NCOR2: variants seen among roughly 807,000 people sequenced by gnomAD.
NCOR2 encodes CTG repeat protein 26.
A neutral mutation model predicts 262.9 loss-of-function variants in NCOR2; 81 were observed. The observed-to-expected ratio is 0.31, with a 90% CI of 0.26 to 0.37. NCOR2 has a LOEUF of 0.37. NCOR2 is among the 10% of genes least tolerant of loss of function. The probability of loss-of-function intolerance (pLI) is 1.00; values close to 1 mark genes in which losing one functional copy is unlikely to be tolerated. For synonymous variants in NCOR2, 1,659 were observed against 1,559.3 expected (o/e 1.06, Z -1.51); for missense variants, 3,385 against 3,621.4 (o/e 0.93, Z 1.68).
rs901580861 is a variant in NCOR2 at position 124,325,627 on chromosome 12, C to G, written c.7364-44G>C. ...GATGCCCAGGAGGCCTCTGTGAGCC[C>G]GGCAGCCCCTGCTGGCCGCCTGCCC... is the stretch of plus-strand genomic sequence containing the variant. On this transcript the variant is annotated intron_variant, in intron 46 of 46. Transcript: ENST00000405201. 3.2e-6 allele frequency: 4 copies of G among 1,243,442 alleles called. No individual in the cohort carries two copies. The African/African-American group carries it at 6.2e-5, about 19-fold the overall frequency. 77.0% of individuals were successfully genotyped at this position (1,243,442 alleles called of 1,614,324 possible).
chr12:124,493,109 A>G (rs1165601001), intron 1 of NCOR2, among the ~76,000 whole-genome samples: 2 of 152,236 alleles, frequency 1.3e-5, no homozygotes, highest in Non-Finnish European at 2.9e-5. Flanking sequence ...ATCCTGCGTC[A>G]CTGACGGCCC....
At chr12:124,478,435 C>G (rs989624474) in intron 3 of NCOR2, among the ~76,000 whole-genome samples, 1 of 152,090 alleles carries the variant, frequency 6.6e-6, no homozygotes, top group African/African-American at 2.4e-5. Flanking sequence ...CACAAAACTC[C>G]GGAGGCTGAA....
At chr12:124,501,901 C>T (rs1325095414) in intron 1 of NCOR2, among the ~76,000 whole-genome samples, 3 of 152,204 alleles carry the variant, frequency 2.0e-5, no homozygotes, top group Non-Finnish European at 4.4e-5. Flanking sequence ...ACCACTGCAG[C>T]CAGTCTGGCC....
rs576842081 is a variant in NCOR2, at chr12:124,440,432, C to A, written c.816-2436G>T. ...CATCAGTCTGGCCGCCGCCCCCCGG[C>A]CAGGGTGGGCCATGGGGGTCCTCAG... is the stretch of plus-strand genomic sequence containing the variant. On this transcript the variant is annotated intron_variant, in intron 7 of 46. Coordinates refer to ENST00000405201, the Ensembl canonical transcript of NCOR2. The surrounding 1 kb of genome is among the most constrained non-coding windows in gnomAD (Gnocchi z 5.7). Among the ~76,000 whole-genome samples the A allele has an allele frequency of 4.6e-5, 7 of 152,328 alleles. No homozygotes were observed. The highest frequency in any genetic ancestry group is 1.7e-4 in the African/African-American group (7 of 41,574).
intron 13 of NCOR2, among the ~76,000 whole-genome samples, chr12:124,414,560 C>T (rs2042759021): frequency 6.6e-6 from 1 of 152,212 alleles, no homozygotes; most frequent in Admixed American, 6.5e-5. Flanking sequence ...TGCATATTGG[C>T]TGAGATAACC....
intron 16 of NCOR2, chr12:124,388,922 G>A (rs1565899992): frequency 8.2e-6 from 8 of 972,208 alleles, no homozygotes; most frequent in South Asian, 7.1e-5. Context: ...CGCGGCGGGC[G>A]GAGGCTGGCT....
chr12:124,433,358 G>A (rs1006498198), intron 8 of NCOR2, among the ~76,000 whole-genome samples: 5 of 152,256 alleles, frequency 3.3e-5, no homozygotes, highest in African/African-American at 1.2e-4. Flanking sequence ...TCATGGGTGA[G>A]AAAAGCTCAC....
intron 10 of NCOR2, among the ~76,000 whole-genome samples, 159 bp from the exon 13 acceptor site, chr12:124,426,959 T>C (rs1411530764): frequency 6.6e-6 from 1 of 152,124 alleles, no homozygotes; most frequent in Non-Finnish European, 1.5e-5. Context: ...AAAATAATAA[T>C]AGCTCATGCT....
chr12:124,345,004 C>G (rs1314456104), intron 31 of NCOR2, 53 bp from the exon 34 acceptor site: 3 of 1,415,452 alleles, frequency 2.1e-6, no homozygotes, highest in Non-Finnish European at 2.8e-6. Flanking sequence ...TAGCCCAGAC[C>G]AGCTGCATCC....
intron 8 of NCOR2, 95 bp downstream of exon 10, chr12:124,437,835 C>T (rs534593606): frequency 7.4e-6 from 9 of 1,211,140 alleles, no homozygotes; most frequent in African/African-American, 3.1e-5. Flanking sequence ...GACACAGCTG[C>T]GGAACTGACA....
At chr12:124,469,772 T>G (rs2046731804) in intron 4 of NCOR2, among the ~76,000 whole-genome samples, 1 of 152,268 alleles carries the variant, frequency 6.6e-6, no homozygotes, top group East Asian at 1.9e-4. Context: ...AGTGACACGC[T>G]ATAAAGGGCT....
intron 32 of NCOR2, 141 bp downstream of exon 34, chr12:124,344,456 C>A (rs555546933): frequency 2.6e-6 from 2 of 762,002 alleles, no homozygotes; most frequent in Non-Finnish European, 1.9e-6. Flanking sequence ...GCAGAGCCCA[C>A]GGGCCTGCAG....
At chr12:124,380,040 G>T (rs1483194885) in intron 17 of NCOR2, among the ~76,000 whole-genome samples, 1 of 152,244 alleles carries the variant, frequency 6.6e-6, no homozygotes, top group African/African-American at 2.4e-5. Context: ...TCTGTTGTTT[G>T]AAGCCACCGG....
At chr12:124,441,761 A>C (rs1402754736) in intron 7 of NCOR2, among the ~76,000 whole-genome samples, 3 of 152,210 alleles carry the variant, frequency 2.0e-5, no homozygotes, top group Non-Finnish European at 2.9e-5. Flanking sequence ...AGAACAGAGC[A>C]AAGGAGGGAT....
chr12:124,371,607 G>A (rs2136023364), intron 20 of NCOR2, among the ~76,000 whole-genome samples: 1 of 152,328 alleles, frequency 6.6e-6, no homozygotes, highest in Non-Finnish European at 1.5e-5. Context: ...AGGCGGGATG[G>A]ATCTGCCCAG....
intron 34 of NCOR2, among the ~76,000 whole-genome samples, chr12:124,341,274 C>T (rs1331231094): frequency 6.6e-6 from 1 of 151,940 alleles, no homozygotes; most frequent in Admixed American, 6.6e-5. Flanking sequence ...CAGTCTTGCC[C>T]TGTTGCCCAG....
intron 1 of NCOR2, among the ~76,000 whole-genome samples, chr12:124,561,239 C>T (rs919392876): frequency 3.9e-5 from 6 of 152,160 alleles, no homozygotes; most frequent in South Asian, 2.1e-4. Flanking sequence ...AAGACGGCTC[C>T]GTATAGTAGG....
exon 11 of NCOR2, chr12:124,426,759 G>T: frequency 6.3e-7 from 1 of 1,594,752 alleles, no homozygotes; most frequent in Non-Finnish European, 8.6e-7. Context: ...CGTACAGCAT[G>T]GGCGGGATCA....
rs776945598 is a variant in NCOR2 at position 124,440,260 on chromosome 12, C to T, written c.816-2264G>A. On this transcript the variant is annotated intron_variant, in intron 7 of 46. Coordinates refer to ENST00000405201, the Ensembl canonical transcript of NCOR2. The surrounding 1 kb of genome is among the most constrained non-coding windows in gnomAD (Gnocchi z 5.7). The stretch of plus-strand genomic sequence containing the variant: ...TGGGAGCCACGCTATGTCCAGCCCC[C>T]GGGACCCCAGCCCCATTGGAAACAG... Among the ~76,000 whole-genome samples, 47 of 152,304 alleles carry T rather than the reference C, an allele frequency of 3.1e-4. No homozygotes were observed. The highest frequency in any genetic ancestry group is 6.8e-3 in the Middle Eastern group (2 of 294).
Sources: allele counts gnomAD v4.1 joint callset (sites outside exome capture counted in the v4.1 genomes callset), GRCh38; gene constraint gnomAD v4.1.1; non-coding constraint Gnocchi (gnomAD v3.1); transcripts MANE v1.5; gene names NCBI Gene and HGNC (gene_info 2026-07-23, HGNC 2026-07-21).